Variants in IFT140 observed in about 807,000 individuals in gnomAD.
The protein encoded by IFT140 is intraflagellar transport protein 140 homolog.
Under a neutral mutation model 164.6 loss-of-function variants are expected in IFT140, and 133 were observed. The ratio of observed to expected loss-of-function variants is 0.81; its 90% confidence interval spans 0.70 to 0.93. The LOEUF (loss-of-function observed/expected upper bound fraction) is 0.93. IFT140 is among the 40% of genes least tolerant of loss of function. IFT140 has a pLI of 0.00. For synonymous variants in IFT140, 860 were observed against 817.3 expected, an observed-to-expected ratio of 1.05 and a Z score of -0.89; for missense variants, 2,045 against 1,972.3, an observed-to-expected ratio of 1.04 and a Z score of -0.70.
At chr16:1,603,365 G>C (rs1029681539) in intron 3 of IFT140, among the ~76,000 whole-genome samples, 1 of 152,186 alleles carries the variant, frequency 6.6e-6, no homozygotes, top group Non-Finnish European at 1.5e-5. Context: ...CAGAATAATA[G>C]TGACAGGTTA....
intron 13 of IFT140, among the ~76,000 whole-genome samples, chr16:1,579,790 C>T (rs549980476): frequency 6.6e-6 from 1 of 152,164 alleles, no homozygotes; most frequent in South Asian, 2.1e-4. Context: ...CATGGTGAAA[C>T]CCTGTTTCTA....
chr16:1,592,636 GA>G, intron 4 of IFT140, 48 bp from the exon 5 acceptor site: 1 of 1,578,174 alleles, frequency 6.3e-7, no homozygotes, highest in Middle Eastern at 1.7e-4. Context: ...CCGGCAGAGC[GA>G]CTGGTGGAGG....
chr16:1,599,910 T>C lies in IFT140; in HGVS notation c.369+2460A>G, dbSNP rs1285190011. On this transcript the variant is annotated intron_variant, in intron 4 of 30. Coordinates refer to ENST00000426508, the MANE Select transcript of IFT140 (RefSeq NM_014714.4). ...CTGCCCGGCCGCCCCTACTGGGAAG[T>C]GAGGAGCCCCTCTGCCCGGCCACCA... Among the ~76,000 whole-genome samples, 1,053 of 112,370 alleles carry C rather than the reference T, an allele frequency of 9.4e-3. 8 individuals carry two copies. Among genetic ancestry groups the C allele is most frequent in the African/African-American group, 0.046 (975 of 21,354 alleles). 73.7% of individuals were successfully genotyped at this position (112,370 alleles called of 152,430 possible).
chr16:1,602,559 C>T lies in IFT140; in HGVS notation c.180G>A (p.Arg60=). The T allele has an allele frequency of 6.2e-7, 1 of 1,613,592 alleles. No homozygotes were observed. Among genetic ancestry groups the T allele is most frequent in the African/African-American group, 1.3e-5 (1 of 75,052 alleles). The part of the protein sequence containing the change: ...GECVPDTHVE[R]PFRVASLCWH... ...AGCACAGGGAAGCAACCCGGAACGG[C>T]CTCTCGACGTGTGTATCTGGCACGC... Residue 60 remains arginine (R), a synonymous_variant, in exon 4 of 31, where the codon AGG becomes AGA. Transcript: ENST00000426508.
At chr16:1,594,198 T>G (rs1355293461) in intron 4 of IFT140, among the ~76,000 whole-genome samples, 4 of 151,972 alleles carry the variant, frequency 2.6e-5, no homozygotes, top group Non-Finnish European at 4.4e-5. Flanking sequence ...TAAGATTACC[T>G]AGGTTCATTT....
intron 12 of IFT140, among the ~76,000 whole-genome samples, chr16:1,582,095 G>C (rs943472490): frequency 6.6e-6 from 1 of 152,060 alleles, no homozygotes; most frequent in Non-Finnish European, 1.5e-5. Context: ...CTGTGGAATG[G>C]GGGGAGCTGA....
rs1428418101 is a variant in IFT140, at chr16:1,533,108, G to A, written c.2400-6312C>T. On this transcript the variant is annotated intron_variant, in intron 19 of 30. Transcript: ENST00000426508. The surrounding 1 kb of genome is among the most constrained non-coding windows in gnomAD (Gnocchi z 4.7). ...TCCAAGTACAGGTCCCTGGCCCCAA[G>A]GCCCTCCAAGTACAGGTCCCTGGCC... 6.7e-6 allele frequency: 1 copy of A among 149,750 alleles called. No homozygotes were observed. Among genetic ancestry groups the A allele is most frequent in the Admixed American group, 6.6e-5 (1 of 15,114 alleles). 9.3% of individuals were successfully genotyped at this position (149,750 alleles called of 1,614,324 possible).
chr16:1,564,179 G>A lies in IFT140; in HGVS notation c.1902-17C>T. 1 of 1,550,602 alleles carries A rather than the reference G, an allele frequency of 6.4e-7. No individual in the cohort carries two copies. Among genetic ancestry groups the A allele is most frequent in the Non-Finnish European group, 8.8e-7 (1 of 1,138,670 alleles). On this transcript the variant is annotated splice_polypyrimidine_tract_variant and intron_variant, in intron 16 of 30. Coordinates refer to ENST00000426508, the MANE Select transcript of IFT140 (RefSeq NM_014714.4). The surrounding 1 kb of genome is among the most constrained non-coding windows in gnomAD (Gnocchi z 5.5). ...AGGTGGCTCCTAAAAGACAAAGGAA[G>A]ACCCGTTTCAACCCCAGGGCGGGCA...
chr16:1,591,096 G>A (rs144025909), intron 6 of IFT140, among the ~76,000 whole-genome samples: 19 of 152,302 alleles, frequency 1.2e-4, no homozygotes, highest in Admixed American at 4.6e-4. Context: ...GAGGCACAGC[G>A]ATGAACTCAC....
At chr16:1,554,072 A>C in intron 19 of IFT140, 3 of 1,287,080 alleles carry the variant, frequency 2.3e-6, no homozygotes, top group Non-Finnish European at 3.0e-6. Flanking sequence ...TGGAAGGAAA[A>C]TCTGCCAGGG....
At chr16:1,588,968 T>C (rs1055464474) in intron 7 of IFT140, among the ~76,000 whole-genome samples, 2 of 152,090 alleles carry the variant, frequency 1.3e-5, no homozygotes, top group Admixed American at 6.5e-5. Flanking sequence ...GCAGGCTGCT[T>C]AATGTGGGAT....
intron 17 of IFT140, among the ~76,000 whole-genome samples, chr16:1,562,652 G>C (rs748805432): frequency 2.0e-5 from 3 of 152,136 alleles, no homozygotes; most frequent in Non-Finnish European, 4.4e-5. Flanking sequence ...GGCACTTGTA[G>C]TCCCAGCTAC....
Position 1,607,274 on chromosome 16 carries a change from C to T in IFT140, c.-8G>A, listed in dbSNP as rs748332625. On this transcript the variant is annotated 5_prime_UTR_variant, in exon 3 of 31. Coordinates refer to ENST00000426508, the MANE Select transcript of IFT140 (RefSeq NM_014714.4). ...GTCATAATAGAGGGCCATGACGGAA[C>T]TCAGGCCTCCTCAGCGCTGAAACCT... 9.9e-6 allele frequency: 16 copies of T among 1,610,128 alleles called. No homozygotes were observed. The highest frequency in any genetic ancestry group is 6.8e-6 in the Non-Finnish European group (8 of 1,178,468).
chr16:1,534,207 C>T, intron 19 of IFT140: 4 of 1,582,540 alleles, frequency 2.5e-6, no homozygotes, highest in Non-Finnish European at 3.4e-6. Flanking sequence ...AGCGTCGGCT[C>T]TCCCTGGACG....
intron 19 of IFT140, among the ~76,000 whole-genome samples, chr16:1,550,857 G>A (rs1179435130): frequency 6.6e-6 from 1 of 152,254 alleles, no homozygotes; most frequent in African/African-American, 2.4e-5. Context: ...CTCTGTGGCT[G>A]ACGCTGACCC....
intron 12 of IFT140, 75 bp from the exon 13 acceptor site, chr16:1,580,925 A>G: frequency 1.1e-6 from 1 of 943,202 alleles, no homozygotes; most frequent in Non-Finnish European, 1.7e-6. Flanking sequence ...GAGCATTCCC[A>G]CACACGATCC....
rs561205722 is a variant in IFT140 at position 1,584,198 on chromosome 16, G to A, written c.1359+19C>T. 1.1e-5 allele frequency: 18 copies of A among 1,606,992 alleles called. No individual in the cohort carries two copies. Among genetic ancestry groups the A allele is most frequent in the Middle Eastern group, 1.7e-4 (1 of 5,762 alleles). On this transcript the variant is annotated intron_variant, in intron 11 of 30. Coordinates refer to ENST00000426508, the MANE Select transcript of IFT140 (RefSeq NM_014714.4). The stretch of plus-strand genomic sequence containing the variant: ...GTTCTTCTGTCTGTGTCCCACCCAC[G>A]GGTCCCCTCGGCAGTCACCTTGGTG...
intron 13 of IFT140, among the ~76,000 whole-genome samples, chr16:1,572,682 C>T (rs1465484736): frequency 6.6e-6 from 1 of 152,222 alleles, no homozygotes; most frequent in Non-Finnish European, 1.5e-5. Context: ...ATATACCCCA[C>T]AGTCACCCCA....
At chr16:1,586,018 G>C in intron 10 of IFT140, 112 bp downstream of exon 10, 1 of 1,253,992 alleles carries the variant, frequency 8.0e-7, no homozygotes, top group Non-Finnish European at 1.2e-6. Context: ...TGATCCACCC[G>C]CCTTGGCCTC....
Sources: gnomAD v4.1 joint callset for allele counts (sites outside exome capture counted in the v4.1 genomes callset) on GRCh38, gnomAD v4.1.1 for gene constraint, Gnocchi (gnomAD v3.1) non-coding constraint, MANE v1.5 for transcripts, NCBI Gene and HGNC (gene_info 2026-07-23, HGNC 2026-07-21) for gene names.